The following COPG2 variants were observed in gnomAD, a reference collection of about 807,000 sequenced individuals.
COPG2 encodes coatomer subunit gamma-2.
COPG2 carries 37 observed loss-of-function variants against 46.3 expected under a neutral mutation model. The ratio of observed to expected loss-of-function variants is 0.80; its 90% CI spans 0.61 to 1.05. The LOEUF is 1.05. Ranked by LOEUF, COPG2 falls within the 50% of genes least tolerant of loss-of-function variation. The probability of loss-of-function intolerance (pLI) is 0.00; values close to 1 mark genes in which losing one functional copy is unlikely to be tolerated. For synonymous variants in COPG2, 159 were observed against 129.7 expected, an observed-to-expected ratio of 1.23 and a Z score of -1.53; for missense variants, 427 against 387.8, an observed-to-expected ratio of 1.10 and a Z score of -0.85.
At chr7:130,620,912 T>A (rs1795028451) in intron 5 of COPG2, among the ~76,000 whole-genome samples, 1 of 152,138 alleles carries the variant, frequency 6.6e-6, no homozygotes, top group African/African-American at 2.4e-5. Flanking sequence ...CCCAAAGACA[T>A]CAAAGTCCTA....
chr7:130,591,765 CGGGA>C (rs1359542213), intron 9 of COPG2, among the ~76,000 whole-genome samples: 1 of 146,056 alleles, frequency 6.8e-6, no homozygotes, highest in Non-Finnish European at 1.5e-5. Context: ...CCACCCCGTC[CGGGA>C]GGGAAGTGGA....
At chr7:130,659,399 CT>C (rs1795929265) in intron 4 of COPG2, among the ~76,000 whole-genome samples, 1 of 143,540 alleles carries the variant, frequency 7.0e-6, no homozygotes, top group Non-Finnish European at 1.5e-5. Flanking sequence ...AGAAATTCCA[CT>C]TGTAGGTATC....
intron 20 of COPG2, among the ~76,000 whole-genome samples, chr7:130,516,418 T>G (rs1799678611): frequency 6.6e-6 from 1 of 152,116 alleles, no homozygotes; most frequent in Non-Finnish European, 1.5e-5. Flanking sequence ...AGGGGAAGCC[T>G]CCAAAGGGAA....
chr7:130,513,630 G>A (rs879993174), intron 20 of COPG2, among the ~76,000 whole-genome samples: 1 of 152,004 alleles, frequency 6.6e-6, no homozygotes, highest in Non-Finnish European at 1.5e-5. Flanking sequence ...AGCAACAAGT[G>A]TGACCAATAG....
chr7:130,663,931 G>A (rs1796027346), intron 3 of COPG2, among the ~76,000 whole-genome samples: 1 of 151,728 alleles, frequency 6.6e-6, no homozygotes, highest in Admixed American at 6.6e-5. Flanking sequence ...AGTAGAGACG[G>A]GGTTTCACCA....
intron 9 of COPG2, among the ~76,000 whole-genome samples, chr7:130,587,245 T>C (rs1455473779): frequency 1.3e-5 from 2 of 151,626 alleles, no homozygotes; most frequent in Non-Finnish European, 2.9e-5. Context: ...AGGTGGACGC[T>C]ACAGTGAGCC....
chr7:130,620,734 G>T (rs1207678252), intron 5 of COPG2, among the ~76,000 whole-genome samples: 2 of 152,158 alleles, frequency 1.3e-5, no homozygotes, highest in Non-Finnish European at 2.9e-5. Context: ...TAGATTATGA[G>T]ATTTGGGACT....
chr7:130,526,718 G>A (rs1799777660), intron 20 of COPG2, among the ~76,000 whole-genome samples: 1 of 151,262 alleles, frequency 6.6e-6, no homozygotes, highest in Non-Finnish European at 1.5e-5. Context: ...TAAGAGGGGT[G>A]GACAGCAATG....
chr7:130,577,918 G>C (rs1284387322), intron 9 of COPG2, among the ~76,000 whole-genome samples: 1 of 152,052 alleles, frequency 6.6e-6, no homozygotes, highest in Admixed American at 6.5e-5. Flanking sequence ...GCGAGGCTGG[G>C]GGAGGGGCGC....
intron 20 of COPG2, among the ~76,000 whole-genome samples, chr7:130,525,971 C>CTAAA (rs1799770625): frequency 6.6e-6 from 1 of 152,050 alleles, no homozygotes; most frequent in African/African-American, 2.4e-5. Flanking sequence ...CCTGGACAGC[C>CTAAA]TGAATGGGTA....
rs183119369 is a variant in COPG2, at chr7:130,623,194, G to A, written c.324-6129C>T. Among the ~76,000 whole-genome samples the A allele has an allele frequency of 2.1e-3, 317 of 152,190 alleles. 2 individuals are homozygous for A. The highest frequency in any genetic ancestry group is 6.9e-3 in the African/African-American group (287 of 41,506). ...TAATCCTCAACCAACAGGAATCAAG[G>A]GCCAATGAGTTAAATGCTTCTGTCT... On this transcript the variant is annotated intron_variant, in intron 5 of 23. Coordinates refer to ENST00000425248, the MANE Select transcript of COPG2 (RefSeq NM_012133.6).
chr7:130,583,284 G>A (rs1794191196), intron 9 of COPG2, among the ~76,000 whole-genome samples: 1 of 149,642 alleles, frequency 6.7e-6, no homozygotes, highest in African/African-American at 2.5e-5. Flanking sequence ...ACTCATAGGT[G>A]GGAATTGAAC....
chr7:130,622,722 C>T (rs1360066611), intron 5 of COPG2, among the ~76,000 whole-genome samples: 3 of 152,180 alleles, frequency 2.0e-5, no homozygotes, highest in Non-Finnish European at 4.4e-5. Context: ...CTGGCCAGCA[C>T]TTTACCTGGT....
chr7:130,646,952 T>C (rs1378182097), intron 5 of COPG2, among the ~76,000 whole-genome samples: 2 of 131,230 alleles, frequency 1.5e-5, no homozygotes, highest in Non-Finnish European at 3.3e-5. Context: ...CGTATATATA[T>C]ATATGCATAT....
intron 20 of COPG2, among the ~76,000 whole-genome samples, chr7:130,523,637 T>C (rs1286298833): frequency 1.3e-5 from 2 of 152,122 alleles, no homozygotes; most frequent in Admixed American, 1.3e-4. Context: ...GGGACCACGG[T>C]GGTGCAGCTG....
At chr7:130,612,112 G>A in intron 8 of COPG2, 40 bp downstream of exon 8, 1 of 1,406,748 alleles carries the variant, frequency 7.1e-7, no homozygotes, top group South Asian at 1.2e-5. Flanking sequence ...TTTAAAGAAT[G>A]CTGATCCTGA....
chr7:130,667,774 C>G (rs1554461690), intron 1 of COPG2, among the ~76,000 whole-genome samples: 3 of 152,190 alleles, frequency 2.0e-5, no homozygotes, highest in Non-Finnish European at 1.5e-5. Context: ...TGTCTTCTTT[C>G]CCTGCCCTCT....
At chr7:130,648,944 T>A (rs1228072200) in intron 5 of COPG2, among the ~76,000 whole-genome samples, 2 of 152,166 alleles carry the variant, frequency 1.3e-5, no homozygotes, top group Non-Finnish European at 2.9e-5. Context: ...GAAGAGGAAT[T>A]TTGCCTCCTC....
intron 3 of COPG2, among the ~76,000 whole-genome samples, chr7:130,663,940 C>G (rs1796027515): frequency 6.6e-6 from 1 of 151,798 alleles, no homozygotes; most frequent in Non-Finnish European, 1.5e-5. Context: ...GGGGTTTCAC[C>G]ATGTTGGCCA....
Sources: gnomAD v4.1 joint callset for allele counts (sites outside exome capture counted in the v4.1 genomes callset) on GRCh38, gnomAD v4.1.1 for gene constraint, MANE v1.5 for transcripts, NCBI Gene and HGNC (gene_info 2026-07-23, HGNC 2026-07-21) for gene names.